The following PHIP variants were observed in gnomAD, a reference collection of about 807,000 sequenced individuals.
PHIP encodes PH-interacting protein.
PHIP carries 54 observed loss-of-function variants against 236.8 expected under a neutral mutation model. That is an observed-to-expected ratio of 0.23 (90% CI 0.18 to 0.29). The LOEUF (loss-of-function observed/expected upper bound fraction) is 0.29. Ranked by LOEUF, PHIP falls within the 10% of genes least tolerant of loss-of-function variation. PHIP has a pLI of 1.00. For synonymous variants in PHIP, 756 were observed against 718.9 expected (o/e 1.05, Z -0.83); for missense variants, 1,370 against 2,190.8 (o/e 0.63, Z 7.48).
At chr6:79,041,226 G>T (rs1217751671) in intron 7 of PHIP, among the ~76,000 whole-genome samples, 1 of 152,070 alleles carries the variant, frequency 6.6e-6, no homozygotes, top group African/African-American at 2.4e-5. Flanking sequence ...ATAAGAACAA[G>T]TGACAAACTG....
At chr6:79,077,370 CTG>C (rs1251950360) in intron 4 of PHIP, 76 bp downstream of exon 4, 3 of 1,327,564 alleles carry the variant, frequency 2.3e-6, no homozygotes, top group Admixed American at 1.7e-5. Context: ...GTTTTTGTCT[CTG>C]TAAAAAATTG....
Position 79,060,777 on chromosome 6 carries a change from T to C in PHIP, c.231A>G (p.Gln77=), listed in dbSNP as rs762949339. The C allele has an allele frequency of 7.4e-6, 12 of 1,612,820 alleles. No individual in the cohort carries two copies. The highest frequency in any genetic ancestry group is 3.3e-4 in the Middle Eastern group (2 of 6,058). Residue 77 remains glutamine, a synonymous_variant, in exon 5 of 40, where the codon CAA becomes CAG. Coordinates refer to ENST00000275034, the MANE Select transcript of PHIP (RefSeq NM_017934.7). ...GAAGAGGTCCTAGTCGATGACATATTTGCAGCAAGTGATCAGGTGCTAAGT... is the reference window on the plus strand; with the variant it reads ...GAAGAGGTCCTAGTCGATGACATATCTGCAGCAAGTGATCAGGTGCTAAGT... ...YRHLAPDHLL[Q]ICHRLGPLLE... is the part of the protein sequence containing the mutation.
At chr6:78,997,774 A>G (rs1769717649) in intron 18 of PHIP, among the ~76,000 whole-genome samples, 177 bp from the exon 19 acceptor site, 1 of 152,180 alleles carries the variant, frequency 6.6e-6, no homozygotes, top group Admixed American at 6.5e-5. Flanking sequence ...AAAACAAAAC[A>G]TGGTTATTCA....
chr6:78,955,550 C>CA, intron 33 of PHIP, 63 bp downstream of exon 33: 2 of 613,324 alleles, frequency 3.3e-6, no homozygotes, highest in East Asian at 6.1e-5. Context: ...CTGAAAACTA[C>CA]AATATGTAAA....
At chr6:79,059,591 T>TTATTTATA (rs1235977083) in intron 6 of PHIP, among the ~76,000 whole-genome samples, 1 of 84,736 alleles carries the variant, frequency 1.2e-5, no homozygotes, top group African/African-American at 4.7e-5. Context: ...GAAAGCAAAA[T>TTATTTATA]TATATATATA....
At position 79,019,122 on chromosome 6, in the gene PHIP, C is replaced by T; in HGVS notation, c.961G>A (p.Gly321Arg). ...AAAGAAGAACAGATCATTTGAACTC[C>T]AGGCCGAGGGCGCTCTGTAAATTTT... ...PAKFTERPRP[G>R]VQMICSSFSA... Residue 321 changes from glycine (G) to arginine (R), a missense_variant, in exon 10 of 40, where the codon GGA (glycine) becomes AGA (arginine). By Grantham distance (125) the Gly-to-Arg change is moderately radical. Transcript: ENST00000275034. 1 of 1,612,910 alleles carries T rather than the reference C, an allele frequency of 6.2e-7. No individual in the cohort carries two copies. Among genetic ancestry groups the T allele is most frequent in the Non-Finnish European group, 8.5e-7 (1 of 1,179,114 alleles).
At chr6:78,957,650 T>G (rs1766516747) in intron 32 of PHIP, 1 of 150,486 alleles carries the variant, frequency 6.6e-6, no homozygotes, top group African/African-American at 2.4e-5. Context: ...AACAGCTAAG[T>G]AAGCTTTTAA....
chr6:79,026,714 A>G (rs979147193), intron 7 of PHIP, among the ~76,000 whole-genome samples: 10 of 151,868 alleles, frequency 6.6e-5, no homozygotes, highest in Non-Finnish European at 1.2e-4. Flanking sequence ...TTACTCTGCC[A>G]TAGTAGTGTA....
At chr6:79,056,214 C>T (rs1412272674) in intron 6 of PHIP, among the ~76,000 whole-genome samples, 1 of 152,152 alleles carries the variant, frequency 6.6e-6, no homozygotes, top group Non-Finnish European at 1.5e-5. Flanking sequence ...TAATTCTGCC[C>T]AGTTTAACAT....
intron 6 of PHIP, among the ~76,000 whole-genome samples, chr6:79,059,428 G>C (rs113482147): frequency 6.1e-4 from 93 of 151,628 alleles, no homozygotes; most frequent in African/African-American, 2.2e-3. Flanking sequence ...TGCCTTCAAA[G>C]TAGCAAGTTA....
At chr6:78,967,826 G>T (rs970609667) in intron 27 of PHIP, among the ~76,000 whole-genome samples, 14 of 152,064 alleles carry the variant, frequency 9.2e-5, no homozygotes, top group African/African-American at 3.4e-4. Context: ...ATTGGCAAAT[G>T]CAACTCCTTA....
In PHIP at chr6:78,998,300, T is replaced by C. The variant is rs377164524; in HGVS notation, c.1971A>G (p.Arg657=). ...IQRLQQEQDL[R]RSGEAVISNT... ...TACTGATAACTGCTTCACCAGAACG[T>C]CTCAGGTCTTGCTCCTGTTGTAGTC... The change falls in exon 18 of 40, where the codon AGA becomes AGG. Residue 657 remains arginine, a synonymous_variant. Coordinates refer to ENST00000275034, the MANE Select transcript of PHIP (RefSeq NM_017934.7). 9.7e-5 allele frequency: 156 copies of C among 1,611,422 alleles called. No homozygotes were observed. In the South Asian group the frequency reaches 1.1e-3, roughly 11 times the overall value.
intron 9 of PHIP, among the ~76,000 whole-genome samples, chr6:79,024,903 A>T (rs1464695715): frequency 6.6e-6 from 1 of 152,236 alleles, no homozygotes; most frequent in Admixed American, 6.5e-5. Context: ...TTTTAAACAT[A>T]GTTTTAACTA....
chr6:79,047,291 TTCTTTA>T, intron 6 of PHIP, among the ~76,000 whole-genome samples: 1 of 152,200 alleles, frequency 6.6e-6, no homozygotes, highest in African/African-American at 2.4e-5. Flanking sequence ...CATCCATTAC[TTCTTTA>T]GGTGCTAGGA....
At chr6:78,987,727 A>G (rs1199444147) in intron 21 of PHIP, among the ~76,000 whole-genome samples, 2 of 152,220 alleles carry the variant, frequency 1.3e-5, no homozygotes, top group Non-Finnish European at 2.9e-5. Flanking sequence ...AGTAATATTT[A>G]CTGAAATAAT....
intron 6 of PHIP, among the ~76,000 whole-genome samples, chr6:79,043,628 T>C (rs1223021053): frequency 6.6e-6 from 1 of 152,100 alleles, no homozygotes; most frequent in Non-Finnish European, 1.5e-5. Flanking sequence ...ATTCTAATCA[T>C]TATTCAAGAT....
At position 78,940,948 on chromosome 6, in the gene PHIP, C is replaced by T. The variant is rs778122960; in HGVS notation, c.5211G>A (p.Val1737=). The T allele has an allele frequency of 5.6e-6, 9 of 1,614,002 alleles. No individual in the cohort carries two copies. In the East Asian group the frequency reaches 8.9e-5, roughly 16 times the overall value. The change falls in exon 40 of 40, where the codon GTG becomes GTA. Residue 1737 remains valine, a synonymous_variant. Coordinates refer to ENST00000275034, the MANE Select transcript of PHIP (RefSeq NM_017934.7). ...TCTTTTTTCGGTTACTTCTCCTTAA[C>T]ACTTTGACACTTGCAGGGACTAGGA... is the stretch of plus-strand genomic sequence containing the variant. ...ADLLVPASVK[V]LRRSNRKKID...
chr6:79,074,952 A>G (rs926823850), intron 4 of PHIP, among the ~76,000 whole-genome samples: 1 of 152,146 alleles, frequency 6.6e-6, no homozygotes. Flanking sequence ...GAGTTCTCCC[A>G]TTTAAAATAT....
chr6:79,006,522 C>A (rs1293091055), intron 15 of PHIP, among the ~76,000 whole-genome samples: 1 of 151,972 alleles, frequency 6.6e-6, no homozygotes, highest in Non-Finnish European at 1.5e-5. Context: ...ATATTCACAT[C>A]TACTAGAAAG....
Sources: gnomAD v4.1 joint callset for allele counts (sites outside exome capture counted in the v4.1 genomes callset) on GRCh38, gnomAD v4.1.1 for gene constraint, MANE v1.5 for transcripts, NCBI Gene and HGNC (gene_info 2026-07-23, HGNC 2026-07-21) for gene names.